The following PSMB7 variants were observed in gnomAD, a reference collection of about 807,000 sequenced individuals.
PSMB7 encodes the protein proteasome subunit beta type-7.
Under a neutral mutation model 28.1 loss-of-function variants are expected in PSMB7, and 5 were observed. The ratio of observed to expected loss-of-function variants is 0.18; its 90% CI spans 0.09 to 0.37. The LOEUF (loss-of-function observed/expected upper bound fraction) is 0.37, where lower values mean the gene tolerates loss of function less well. Among genes scored for constraint, PSMB7 ranks in the 10% least tolerant of loss-of-function variants. The pLI, the probability that PSMB7 is intolerant of heterozygous loss-of-function variation, is 1.00. For missense variants in PSMB7, 275 were observed against 346.2 expected (o/e 0.79, Z 1.63); for synonymous variants, 122 against 123.7 (o/e 0.99, Z 0.09).
intron 6 of PSMB7, among the ~76,000 whole-genome samples, chr9:124,365,683 G>A (rs746288482): frequency 1.3e-5 from 2 of 152,206 alleles, no homozygotes; most frequent in African/African-American, 2.4e-5. Flanking sequence ...CTGTGACCCT[G>A]TAACGCTGGG....
intron 1 of PSMB7, 28 bp from the exon 2 acceptor site, chr9:124,414,963 T>TG (rs1174486751): frequency 6.6e-7 from 1 of 1,510,094 alleles, no homozygotes; most frequent in Non-Finnish European, 9.2e-7. Context: ...AATCAAGTGT[T>TG]GAAGGGCAGG....
chr9:124,387,114 T>A (rs62581778), intron 5 of PSMB7, among the ~76,000 whole-genome samples: 1 of 152,050 alleles, frequency 6.6e-6, no homozygotes, highest in African/African-American at 2.4e-5. Flanking sequence ...AGCATGGTGG[T>A]GGGCGCCTGT....
intron 4 of PSMB7, among the ~76,000 whole-genome samples, chr9:124,406,492 T>A (rs1830964517): frequency 7.7e-6 from 1 of 129,418 alleles, no homozygotes; most frequent in East Asian, 2.2e-4. Context: ...GAGCAAGAGT[T>A]GTCTCAAAAA....
chr9:124,415,351 A>G lies in PSMB7; in HGVS notation c.62+13T>C, dbSNP rs111556093. ...TTCTCCCTCCCTGAACCAAGCCCCA[A>G]GCAAGGCGGCACCTGCGGCAGTTAT... is the stretch of plus-strand genomic sequence containing the variant. On this transcript the variant is annotated intron_variant, in intron 1 of 7. Transcript: ENST00000259457. 23 of 1,613,592 alleles carry G rather than the reference A, an allele frequency of 1.4e-5. No individual in the cohort carries two copies. The highest frequency in any genetic ancestry group is 2.7e-5 in the African/African-American group (2 of 74,916).
At chr9:124,383,185 C>T (rs1370709866) in intron 6 of PSMB7, among the ~76,000 whole-genome samples, 1 of 151,936 alleles carries the variant, frequency 6.6e-6, no homozygotes, top group Non-Finnish European at 1.5e-5. Flanking sequence ...TTTAAGAAGG[C>T]CAAATAGAAA....
intron 5 of PSMB7, among the ~76,000 whole-genome samples, chr9:124,385,411 G>T (rs555641449): frequency 6.6e-6 from 1 of 152,202 alleles, no homozygotes; most frequent in African/African-American, 2.4e-5. Flanking sequence ...ACAAATAAGC[G>T]TGGGCTCCCT....
chr9:124,387,501 ACTCT>A (rs916014296), intron 5 of PSMB7, among the ~76,000 whole-genome samples: 3 of 145,846 alleles, frequency 2.1e-5, no homozygotes, highest in Non-Finnish European at 4.4e-5. Context: ...ACACACACAC[ACTCT>A]CTCTCTCGAG....
At chr9:124,361,362 A>G (rs901641621) in intron 6 of PSMB7, among the ~76,000 whole-genome samples, 2 of 152,188 alleles carry the variant, frequency 1.3e-5, no homozygotes, top group African/African-American at 4.8e-5. Flanking sequence ...AGCACTTGTA[A>G]AAGGCACAAA....
At chr9:124,412,258 T>C (rs1831035492) in intron 4 of PSMB7, 94 bp downstream of exon 4, 1 of 1,217,032 alleles carries the variant, frequency 8.2e-7, no homozygotes, top group Non-Finnish European at 1.2e-6. Flanking sequence ...TATTTCTGAA[T>C]GTGTTTTTGC....
intron 4 of PSMB7, among the ~76,000 whole-genome samples, chr9:124,409,037 A>T (rs899772310): frequency 8.5e-5 from 13 of 152,226 alleles, no homozygotes; most frequent in Non-Finnish European, 1.9e-4. Context: ...TAAAACCTTG[A>T]AGGGTGTGTA....
At chr9:124,414,735 T>C in intron 2 of PSMB7, 107 bp downstream of exon 2, 1 of 856,180 alleles carries the variant, frequency 1.2e-6, no homozygotes, top group Admixed American at 2.0e-5. Context: ...TGATGTATTC[T>C]ATAGCATTTG....
intron 5 of PSMB7, among the ~76,000 whole-genome samples, chr9:124,395,658 C>T (rs887006737): frequency 6.6e-6 from 1 of 152,118 alleles, no homozygotes; most frequent in Non-Finnish European, 1.5e-5. Context: ...ACACATAAAA[C>T]GCGACGCTTC....
At chr9:124,355,876 G>A (rs887628669) in intron 7 of PSMB7, among the ~76,000 whole-genome samples, 3 of 152,200 alleles carry the variant, frequency 2.0e-5, no homozygotes, top group Admixed American at 6.5e-5. Flanking sequence ...GGTTCTGAAC[G>A]TTCCATTCCT....
intron 6 of PSMB7, among the ~76,000 whole-genome samples, chr9:124,375,745 A>AGT (rs1256085348): frequency 1.1e-4 from 17 of 152,158 alleles, no homozygotes; most frequent in African/African-American, 4.1e-4. Context: ...GCATTTACTT[A>AGT]AAACTCTGTG....
At chr9:124,408,942 G>A (rs566002735) in intron 4 of PSMB7, among the ~76,000 whole-genome samples, 1 of 152,242 alleles carries the variant, frequency 6.6e-6, no homozygotes, top group South Asian at 2.1e-4. Context: ...ACCCATTCAA[G>A]ATGCACTGTT....
At chr9:124,382,194 TTTTC>T (rs1308932600) in intron 6 of PSMB7, among the ~76,000 whole-genome samples, 1 of 120,318 alleles carries the variant, frequency 8.3e-6, no homozygotes, top group Non-Finnish European at 1.7e-5. Flanking sequence ...TCTCTCTCTC[TTTTC>T]TCTTTTTTTT....
intron 6 of PSMB7, among the ~76,000 whole-genome samples, chr9:124,365,541 A>G (rs1449723619): frequency 6.6e-6 from 1 of 152,216 alleles, no homozygotes; most frequent in Non-Finnish European, 1.5e-5. Context: ...AAAAATTTCT[A>G]CCTGGAAAAT....
intron 5 of PSMB7, among the ~76,000 whole-genome samples, chr9:124,389,029 A>G (rs180978151): frequency 6.6e-6 from 1 of 152,320 alleles, no homozygotes; most frequent in East Asian, 1.9e-4. Context: ...CAAATGAGGG[A>G]GCCAAAAAAA....
chr9:124,354,712 A>T (rs993140143), intron 7 of PSMB7, among the ~76,000 whole-genome samples: 1 of 152,174 alleles, frequency 6.6e-6, no homozygotes, highest in South Asian at 2.1e-4. Flanking sequence ...CCTTTGAACA[A>T]TGTGTCCCCA....
Sources: gnomAD v4.1 joint callset for allele counts (sites outside exome capture counted in the v4.1 genomes callset) on GRCh38, gnomAD v4.1.1 for gene constraint, MANE v1.5 for transcripts, NCBI Gene and HGNC (gene_info 2026-07-23, HGNC 2026-07-21) for gene names.